The following PRKCE variants were observed in gnomAD, a reference collection of about 807,000 sequenced individuals.
PRKCE encodes protein kinase C epsilon type.
Under a neutral mutation model 85.4 loss-of-function variants are expected in PRKCE, and 16 were observed. That is an observed-to-expected ratio of 0.19 (90% confidence interval 0.13 to 0.28). The LOEUF is 0.28. Among genes scored for constraint, PRKCE ranks in the 10% least tolerant of loss-of-function variants. The probability of loss-of-function intolerance (pLI) is 1.00; values close to 1 mark genes in which losing one functional copy is unlikely to be tolerated. For missense variants in PRKCE, 573 were observed against 975.2 expected, an observed-to-expected ratio of 0.59 and a Z score of 5.49; for synonymous variants, 388 against 371.5, an observed-to-expected ratio of 1.04 and a Z score of -0.51.
intron 2 of PRKCE, among the ~76,000 whole-genome samples, chr2:45,873,112 G>A (rs1430051373): frequency 6.6e-6 from 1 of 152,202 alleles, no homozygotes; most frequent in African/African-American, 2.4e-5. Context: ...GTTTTAAACT[G>A]GAGCGATGGC....
intron 2 of PRKCE, among the ~76,000 whole-genome samples, chr2:45,899,399 T>G (rs1002242226): frequency 9.3e-5 from 14 of 150,432 alleles, no homozygotes; most frequent in Non-Finnish European, 1.5e-4. Flanking sequence ...TTTTTTTTTG[T>G]AGATAGAGTC....
At chr2:45,913,890 T>G (rs1468705106) in intron 2 of PRKCE, among the ~76,000 whole-genome samples, 1 of 152,230 alleles carries the variant, frequency 6.6e-6, no homozygotes, top group Non-Finnish European at 1.5e-5. Flanking sequence ...TAAGGAATCC[T>G]GCCCAAACTG....
At chr2:45,848,892 C>A (rs1692012825) in intron 2 of PRKCE, among the ~76,000 whole-genome samples, 1 of 152,066 alleles carries the variant, frequency 6.6e-6, no homozygotes, top group South Asian at 2.1e-4. Flanking sequence ...AAGAAAGAGG[C>A]AAGGCTTGGG....
At chr2:45,653,366 G>GGTT (rs1235875136) in intron 1 of PRKCE, among the ~76,000 whole-genome samples, 5 of 80,792 alleles carry the variant, frequency 6.2e-5, no homozygotes, top group African/African-American at 8.8e-5. Context: ...TTTGTTTTTG[G>GGTT]GTTGTTTTTT....
intron 2 of PRKCE, among the ~76,000 whole-genome samples, chr2:45,860,724 C>T (rs1012018253): frequency 6.6e-6 from 1 of 152,132 alleles, no homozygotes; most frequent in Non-Finnish European, 1.5e-5. Flanking sequence ...GCCCTGCCCA[C>T]TTTGGCCAGT....
rs2104759440 is a variant in PRKCE, at chr2:46,187,180, C to CA, written c.*2301dup. 6.5e-6 allele frequency: 1 copy of CA among 152,786 alleles called. No individual in the cohort carries two copies. Among genetic ancestry groups the CA allele is most frequent in the South Asian group, 2.1e-4 (1 of 4,828 alleles). The allele number at this position is 152,786 out of a possible 1,614,324, so 9.5% of individuals were successfully genotyped here. A position where few individuals can be genotyped will look rare whatever the true frequency, so the allele number is the denominator to read the frequency against. ...TGGACAACCAAGCAAGCTCTAACCG[C>CA]AATGCCAGATGGCCTTGTCCGAGGG... is the stretch of plus-strand genomic sequence containing the variant. On this transcript the variant is annotated 3_prime_UTR_variant, in exon 15 of 15. Transcript: ENST00000306156.
Position 45,651,933 on chromosome 2 carries a change from T to G in PRKCE, c.-168T>G. ...CCGGCGAGGAAATACATGCACTGGC[T>G]GAGAATCGCCCGCGCCAGGGCGCAA... On this transcript the variant is annotated 5_prime_UTR_variant, in exon 1 of 15. Transcript: ENST00000306156. 1.8e-6 allele frequency: 1 copy of G among 569,376 alleles called. No homozygotes were observed. The highest frequency in any genetic ancestry group is 3.1e-6 in the Non-Finnish European group (1 of 326,360). The allele number at this position is 569,376 out of a possible 1,614,324, so 35.3% of individuals were successfully genotyped here.
intron 12 of PRKCE, among the ~76,000 whole-genome samples, chr2:46,146,632 GGACAGGAAAGGAGGTTCA>G (rs1676097707): frequency 2.6e-5 from 4 of 152,216 alleles, no homozygotes; most frequent in African/African-American, 9.7e-5. Flanking sequence ...AACGGGGGCA[GGACAGGAAAGGAGGTTCA>G]GTGTCCCTGG....
intron 2 of PRKCE, among the ~76,000 whole-genome samples, chr2:45,916,594 G>A (rs916555699): frequency 6.6e-6 from 1 of 152,126 alleles, no homozygotes; most frequent in African/African-American, 2.4e-5. Flanking sequence ...TCTTTTATTT[G>A]AGCAATTTTG....
At chr2:45,848,617 T>A (rs1691992129) in intron 2 of PRKCE, among the ~76,000 whole-genome samples, 1 of 152,200 alleles carries the variant, frequency 6.6e-6, no homozygotes. Context: ...AGGCTACCAG[T>A]GCATTTCAAC....
At chr2:46,045,522 ATGT>A in intron 10 of PRKCE, among the ~76,000 whole-genome samples, 1 of 152,214 alleles carries the variant, frequency 6.6e-6, no homozygotes, top group African/African-American at 2.4e-5. Context: ...TAGGATCTGC[ATGT>A]TGTTTTGTTT....
intron 10 of PRKCE, among the ~76,000 whole-genome samples, chr2:46,071,958 G>A (rs537849132): frequency 1.4e-4 from 21 of 152,226 alleles, no homozygotes; most frequent in African/African-American, 3.9e-4. Flanking sequence ...GTCTGCGCTC[G>A]TGTATTTTAA....
intron 3 of PRKCE, among the ~76,000 whole-genome samples, chr2:45,977,155 C>G (rs2017889): frequency 8.6e-5 from 13 of 152,004 alleles, no homozygotes; most frequent in Admixed American, 4.6e-4. Context: ...CCTCTGCCCC[C>G]CAAAGTGCTG....
chr2:46,080,390 A>G (rs116401108), intron 10 of PRKCE, among the ~76,000 whole-genome samples: 35 of 152,328 alleles, frequency 2.3e-4, no homozygotes, highest in African/African-American at 7.9e-4. Context: ...TTGAGTAGAA[A>G]ACAAGTTAAA....
intron 1 of PRKCE, among the ~76,000 whole-genome samples, chr2:45,653,389 T>G (rs1423598383): frequency 7.0e-6 from 1 of 143,342 alleles, no homozygotes; most frequent in Non-Finnish European, 1.5e-5. Flanking sequence ...TTTTTTTTTT[T>G]TTTTTTCTCT....
intron 1 of PRKCE, among the ~76,000 whole-genome samples, chr2:45,812,145 A>G (rs1254795371): frequency 6.6e-6 from 1 of 152,264 alleles, no homozygotes; most frequent in African/African-American, 2.4e-5. Context: ...AAAGATCTGC[A>G]TCTGTGAAAC....
intron 1 of PRKCE, among the ~76,000 whole-genome samples, chr2:45,779,197 C>T (rs1685986887): frequency 6.6e-6 from 1 of 152,172 alleles, no homozygotes; most frequent in Non-Finnish European, 1.5e-5. Context: ...GCCTGTTTTC[C>T]TCTAAGAATG....
chr2:46,120,406 G>A (rs984180015), intron 11 of PRKCE, among the ~76,000 whole-genome samples: 3 of 152,110 alleles, frequency 2.0e-5, no homozygotes, highest in African/African-American at 4.8e-5. Context: ...TGCACAGGAC[G>A]GTCCTCACAA....
chr2:45,949,478 C>G (rs1171586626), intron 2 of PRKCE, among the ~76,000 whole-genome samples: 1 of 109,844 alleles, frequency 9.1e-6, no homozygotes, highest in Non-Finnish European at 1.8e-5. Context: ...TGAACTAAAT[C>G]TGAGTCTGCT....
Sources: allele counts gnomAD v4.1 joint callset (sites outside exome capture counted in the v4.1 genomes callset), GRCh38; gene constraint gnomAD v4.1.1; transcripts MANE v1.5; gene names NCBI Gene and HGNC (gene_info 2026-07-23, HGNC 2026-07-21).